Variants in RIT2 observed in about 807,000 individuals in gnomAD.
The protein encoded by RIT2 is GTP-binding protein Rit2.
RIT2 carries 24 observed loss-of-function variants against 23.7 expected under a neutral mutation model. The ratio of observed to expected loss-of-function variants is 1.01; its 90% CI spans 0.73 to 1.43. The LOEUF (loss-of-function observed/expected upper bound fraction) is 1.43, where lower values mean the gene tolerates loss of function less well. Among genes scored for constraint, RIT2 ranks in the 40% most tolerant of loss-of-function variants. The pLI is 0.00. For missense variants in RIT2, 236 were observed against 266.9 expected, an observed-to-expected ratio of 0.88 and a Z score of 0.81; for synonymous variants, 107 against 91.1, an observed-to-expected ratio of 1.17 and a Z score of -0.99.
At chr18:42,956,226 CCCACACT>C (rs1909967895) in intron 3 of RIT2, among the ~76,000 whole-genome samples, 1 of 152,090 alleles carries the variant, frequency 6.6e-6, no homozygotes, top group Non-Finnish European at 1.5e-5. Flanking sequence ...CTAATCTCTA[CCCACACT>C]CCACATCTCT....
intron 4 of RIT2, among the ~76,000 whole-genome samples, chr18:42,794,915 C>G (rs138552475): frequency 2.2e-4 from 34 of 152,274 alleles, no homozygotes; most frequent in African/African-American, 7.7e-4. Context: ...GAGGCACATA[C>G]CATTTACTTA....
intron 2 of RIT2, among the ~76,000 whole-genome samples, chr18:43,005,785 A>C (rs1414975536): frequency 6.6e-6 from 1 of 151,834 alleles, no homozygotes; most frequent in Non-Finnish European, 1.5e-5. Context: ...GGATCAGCAT[A>C]TGTGTAAGAG....
In RIT2 at chr18:43,051,190, G is replaced by GA. The variant is rs1275785864; in HGVS notation, c.104-17324dup. On this transcript the variant is annotated intron_variant, in intron 1 of 4. Transcript: ENST00000326695. ...ACCCAGTTCACTACTTGGTGTGTCA[G>GA]AAAAAAATAAAACAAATCAAAACAC... Among the ~76,000 whole-genome samples the GA allele has an allele frequency of 3.9e-5, 6 of 152,094 alleles. No individual in the cohort carries two copies. The East Asian group carries it at 1.2e-3, about 29-fold the overall frequency.
intron 4 of RIT2, among the ~76,000 whole-genome samples, chr18:42,845,875 T>C (rs571218426): frequency 6.6e-6 from 1 of 151,996 alleles, no homozygotes; most frequent in African/African-American, 2.4e-5. Context: ...AGAAATATTA[T>C]ATCTTCAAAC....
intron 3 of RIT2, among the ~76,000 whole-genome samples, chr18:42,937,184 G>GA (rs1413306931): frequency 6.6e-6 from 1 of 152,114 alleles, no homozygotes; most frequent in Non-Finnish European, 1.5e-5. Flanking sequence ...CACAATGTGT[G>GA]AAAAATGCCT....
Position 43,003,761 on chromosome 18 carries a change from G to GACACAC in RIT2, c.161-29620_161-29615dup, listed in dbSNP as rs56860348. Among the ~76,000 whole-genome samples the GACACAC allele has an allele frequency of 5.7e-3, 743 of 129,564 alleles. 8 individuals carry two copies. Among genetic ancestry groups the GACACAC allele is most frequent in the African/African-American group, 0.018 (647 of 35,506 alleles). 85.0% of individuals were successfully genotyped at this position (129,564 alleles called of 152,430 possible). A position where few individuals can be genotyped will look rare whatever the true frequency, so the allele number is the denominator to read the frequency against. ...CATTACTTTTTTTTTCCTCCTCAGT[G>GACACAC]ACACACACACACACACACACACACA... On this transcript the variant is annotated intron_variant, in intron 2 of 4. Coordinates refer to ENST00000326695, the MANE Select transcript of RIT2 (RefSeq NM_002930.4).
At chr18:42,896,617 A>C (rs570560704) in intron 4 of RIT2, among the ~76,000 whole-genome samples, 55 of 152,210 alleles carry the variant, frequency 3.6e-4, no homozygotes, top group Admixed American at 6.5e-4. Flanking sequence ...TCTTATAGCT[A>C]AGATTCTGCA....
intron 3 of RIT2, among the ~76,000 whole-genome samples, chr18:42,942,468 T>G (rs147327391): frequency 1.4e-3 from 207 of 152,256 alleles, no homozygotes; most frequent in African/African-American, 4.7e-3. Flanking sequence ...CCTTTAACTG[T>G]TACCATACCT....
intron 2 of RIT2, among the ~76,000 whole-genome samples, chr18:42,995,842 T>C (rs931093756): frequency 2.2e-4 from 33 of 152,294 alleles, no homozygotes; most frequent in Admixed American, 1.7e-3. Context: ...TCATCTCTAC[T>C]ATCTTCTGTC....
At chr18:42,793,377 C>T (rs1272174052) in intron 4 of RIT2, among the ~76,000 whole-genome samples, 1 of 152,184 alleles carries the variant, frequency 6.6e-6, no homozygotes, top group African/African-American at 2.4e-5. Flanking sequence ...ATCCCTCATA[C>T]ATCTACTCTT....
At chr18:42,828,024 A>G (rs1023648482) in intron 4 of RIT2, among the ~76,000 whole-genome samples, 8 of 150,592 alleles carry the variant, frequency 5.3e-5, no homozygotes, top group Admixed American at 1.3e-4. Context: ...AAAAAAAAAA[A>G]AAAGAAAAAT....
intron 1 of RIT2, among the ~76,000 whole-genome samples, chr18:43,114,343 C>T (rs968573122): frequency 5.3e-5 from 8 of 152,088 alleles, no homozygotes; most frequent in African/African-American, 1.4e-4. Flanking sequence ...GTCACAATCT[C>T]CTTCCTCTTC....
chr18:42,971,924 A>T (rs1182595254), intron 3 of RIT2, among the ~76,000 whole-genome samples: 1 of 152,048 alleles, frequency 6.6e-6, no homozygotes, highest in East Asian at 1.9e-4. Context: ...TATATTGGCT[A>T]TTCATCATTA....
intron 3 of RIT2, among the ~76,000 whole-genome samples, chr18:42,939,866 A>G (rs1342646542): frequency 1.3e-5 from 2 of 152,082 alleles, no homozygotes; most frequent in Non-Finnish European, 2.9e-5. Flanking sequence ...AATTATAAGT[A>G]CAATAATAGT....
chr18:43,033,938 G>T, intron 1 of RIT2, 71 bp from the exon 2 acceptor site: 2 of 1,018,884 alleles, frequency 2.0e-6, no homozygotes, highest in Non-Finnish European at 1.5e-6. Context: ...TACCAACATA[G>T]TCCACCAATC....
chr18:42,932,219 G>A (rs1909343289), intron 3 of RIT2, among the ~76,000 whole-genome samples: 1 of 152,066 alleles, frequency 6.6e-6, no homozygotes, highest in African/African-American at 2.4e-5. Flanking sequence ...GAGATTACAA[G>A]GTTCTTGACC....
chr18:42,810,666 C>T (rs1905826445), intron 4 of RIT2, among the ~76,000 whole-genome samples: 1 of 151,910 alleles, frequency 6.6e-6, no homozygotes, highest in Non-Finnish European at 1.5e-5. Context: ...AAACCCCTAC[C>T]TATGACGTTA....
intron 1 of RIT2, among the ~76,000 whole-genome samples, chr18:43,114,688 C>A (rs1451751115): frequency 1.3e-5 from 2 of 151,982 alleles, no homozygotes; most frequent in African/African-American, 4.8e-5. Flanking sequence ...TATATTTGGC[C>A]TTTTAGGCTC....
chr18:42,999,882 T>C (rs1245821116), intron 2 of RIT2, among the ~76,000 whole-genome samples: 1 of 152,002 alleles, frequency 6.6e-6, no homozygotes, highest in East Asian at 1.9e-4. Flanking sequence ...GTATTGAGAA[T>C]CAAAAGATCA....
Sources: gnomAD v4.1 joint callset for allele counts (sites outside exome capture counted in the v4.1 genomes callset) on GRCh38, gnomAD v4.1.1 for gene constraint, MANE v1.5 for transcripts, NCBI Gene and HGNC (gene_info 2026-07-23, HGNC 2026-07-21) for gene names.